Variants in EPN2 observed in about 807,000 individuals in gnomAD.
EPN2 encodes epsin 2.
In EPN2, 34 loss-of-function variants were observed where a neutral mutation model predicts 61.7. The ratio of observed to expected loss-of-function variants is 0.55; its 90% CI spans 0.42 to 0.73. The LOEUF (loss-of-function observed/expected upper bound fraction) is 0.73. EPN2 is among the 30% of genes least tolerant of loss of function. The pLI is 0.00. For synonymous variants in EPN2, 349 were observed against 353.6 expected, an observed-to-expected ratio of 0.99 and a Z score of 0.15; for missense variants, 714 against 839.2, an observed-to-expected ratio of 0.85 and a Z score of 1.84.
At chr17:19,333,290 A>G (rs1425305798) in intron 10 of EPN2, among the ~76,000 whole-genome samples, 1 of 152,028 alleles carries the variant, frequency 6.6e-6, no homozygotes, top group Non-Finnish European at 1.5e-5. Context: ...GCTGCACACC[A>G]GTCATGGTTC....
At position 19,256,419 on chromosome 17, in the gene EPN2, C is replaced by CAA. The variant is rs61210278; in HGVS notation, c.-294+18910_-294+18911dup. Among the ~76,000 whole-genome samples, 400 of 66,720 alleles carry CAA rather than the reference C, an allele frequency of 6.0e-3. 7 individuals carry two copies. Among genetic ancestry groups the CAA allele is most frequent in the East Asian group, 0.025 (66 of 2,632 alleles). The allele number at this position is 66,720 out of a possible 152,430, so 43.8% of individuals were successfully genotyped here. Reference sequence around the variant, plus strand: ...TGGGCAACATAGCAGGACCCTGTCTCAAAAAAAAAAAAAAAAAAAAAAAGT... The same window carrying CAA: ...TGGGCAACATAGCAGGACCCTGTCTCAAAAAAAAAAAAAAAAAAAAAAAAAGT... On this transcript the variant is annotated intron_variant, in intron 1 of 10. Coordinates refer to ENST00000314728, the MANE Select transcript of EPN2 (RefSeq NM_014964.5).
intron 7 of EPN2, among the ~76,000 whole-genome samples, chr17:19,326,750 G>GC (rs1296134784): frequency 6.8e-6 from 1 of 147,284 alleles, no homozygotes; most frequent in Non-Finnish European, 1.5e-5. Flanking sequence ...CCAGTAATAA[G>GC]CCCACAAAGA....
At chr17:19,255,815 G>A (rs1309488462) in intron 1 of EPN2, among the ~76,000 whole-genome samples, 1 of 151,666 alleles carries the variant, frequency 6.6e-6, no homozygotes, top group African/African-American at 2.4e-5. Flanking sequence ...TAGAGACAGG[G>A]TCTCATTTTG....
intron 1 of EPN2, among the ~76,000 whole-genome samples, chr17:19,238,260 G>T (rs919686146): frequency 1.3e-5 from 2 of 152,250 alleles, no homozygotes; most frequent in African/African-American, 4.8e-5. Context: ...TGGGTGCGTG[G>T]GGTCTGGCCT....
Position 19,247,760 on chromosome 17 carries a change from C to T in EPN2, c.-294+10229C>T, listed in dbSNP as rs535891807. Among the ~76,000 whole-genome samples the T allele has an allele frequency of 1.2e-4, 18 of 152,254 alleles. No homozygotes were observed. In the South Asian group the frequency reaches 3.1e-3, roughly 26 times the overall value. On this transcript the variant is annotated intron_variant, in intron 1 of 10. Transcript: ENST00000314728. ...TCAAGTGTTTGAGAAGGGGGCCCTG[C>T]GGAGTAATCTCTGTGGGTGGGGGCC...
At chr17:19,276,776 T>TTTTTTTTTTTTTTTG (rs2045310742) in intron 1 of EPN2, among the ~76,000 whole-genome samples, 2 of 138,876 alleles carry the variant, frequency 1.4e-5, no homozygotes, top group African/African-American at 5.2e-5. Context: ...AGAATAAGTT[T>TTTTTTTTTTTTTTTG]TTTTTTTTTT....
chr17:19,267,032 G>T (rs1173953509), intron 1 of EPN2, among the ~76,000 whole-genome samples: 1 of 150,370 alleles, frequency 6.7e-6, no homozygotes, highest in Non-Finnish European at 1.5e-5. Context: ...GTAGAGACGG[G>T]GTTTCCCCGT....
At chr17:19,327,014 A>G (rs1906909999) in intron 7 of EPN2, among the ~76,000 whole-genome samples, 1 of 152,196 alleles carries the variant, frequency 6.6e-6, no homozygotes, top group Non-Finnish European at 1.5e-5. Flanking sequence ...AGATTGGCAC[A>G]CATGGGAAAG....
chr17:19,299,786 A>G (rs998952925), intron 4 of EPN2, among the ~76,000 whole-genome samples: 4 of 152,208 alleles, frequency 2.6e-5, no homozygotes, highest in African/African-American at 9.6e-5. Context: ...CATTGGGGCC[A>G]TAACGTGGTC....
chr17:19,264,926 C>A (rs1285822569), intron 1 of EPN2, among the ~76,000 whole-genome samples: 1 of 151,746 alleles, frequency 6.6e-6, no homozygotes, highest in African/African-American at 2.4e-5. Context: ...GAAGCCCAGG[C>A]GAGCTCCAAG....
intron 1 of EPN2, among the ~76,000 whole-genome samples, chr17:19,280,421 C>G (rs4924780): frequency 0.033 from 4,966 of 152,264 alleles, 347 homozygotes; most frequent in South Asian, 0.2. Context: ...AATGAAAAAC[C>G]TAATTACATC....
chr17:19,329,561 G>A lies in EPN2; in HGVS notation c.1325G>A (p.Gly442Glu). ...VSTTKPVSVSGSFELFSNLNG... is the reference protein window; with the variant it reads ...VSTTKPVSVSESFELFSNLNG... ...GTCATTGGCTTCTGTGTCCACCCAG[G>A]GTCCTTTGAGCTCTTCAGTAATCTG... Residue 442 changes from glycine (G) to glutamate (E), a missense_variant and splice_region_variant, in exon 9 of 11, where the codon GGG becomes GAG. Physicochemically the swap from Gly to Glu is moderately conservative, Grantham distance 98. Coordinates refer to ENST00000314728, the MANE Select transcript of EPN2 (RefSeq NM_014964.5). The A allele has an allele frequency of 1.2e-6, 2 of 1,606,356 alleles. No individual in the cohort carries two copies. Among genetic ancestry groups the A allele is most frequent in the Non-Finnish European group, 1.7e-6 (2 of 1,173,780 alleles).
At position 19,336,260 on chromosome 17, in the gene EPN2, G is replaced by T. The variant is rs191484939; in HGVS notation, c.*2006G>T. ...TGGTCTCGTCTGCCGGGGGAAGGGT[G>T]GGGAGGTGCAATGGGATGGGAGGCA... On this transcript the variant is annotated 3_prime_UTR_variant, in exon 11 of 11. Coordinates refer to ENST00000314728, the MANE Select transcript of EPN2 (RefSeq NM_014964.5). 1 of 152,540 alleles carries T rather than the reference G, an allele frequency of 6.6e-6. No homozygotes were observed. Among genetic ancestry groups the T allele is most frequent in the African/African-American group, 2.4e-5 (1 of 41,560 alleles). The allele number at this position is 152,540 out of a possible 1,614,324, so 9.4% of individuals were successfully genotyped here. A position where few individuals can be genotyped will look rare whatever the true frequency, so the allele number is the denominator to read the frequency against.
At chr17:19,302,121 G>A (rs983538905) in intron 4 of EPN2, among the ~76,000 whole-genome samples, 2 of 152,226 alleles carry the variant, frequency 1.3e-5, no homozygotes, top group African/African-American at 4.8e-5. Context: ...TGCCCCAGCT[G>A]GGTGGCCTTG....
intron 1 of EPN2, among the ~76,000 whole-genome samples, chr17:19,268,486 C>T (rs1442648623): frequency 1.3e-5 from 2 of 152,126 alleles, no homozygotes; most frequent in East Asian, 1.9e-4. Flanking sequence ...TCTCGCACTC[C>T]CAGAAGTGTT....
chr17:19,328,780 A>G lies in EPN2; in HGVS notation c.1217A>G (p.Lys406Arg), dbSNP rs371379557. 1.2e-6 allele frequency: 2 copies of G among 1,613,488 alleles called. No homozygotes were observed. The highest frequency in any genetic ancestry group is 2.7e-5 in the African/African-American group (2 of 74,926). ...GGAGCCACCGTACAATCTGTCCCCA[A>G]GAACTCGGACCCCTGGGCAGCTTCA... ...PTGATVQSVP[K>R]NSDPWAASQQ... Residue 406 changes from lysine to arginine, a missense_variant, in exon 8 of 11, where the codon AAG becomes AGG. Lys to Arg is a conservative substitution (Grantham distance 26, BLOSUM62 2). Around this residue, in one of 2 missense-constraint regions of EPN2, gnomAD observed 410 missense variants for 421.8 expected, o/e 0.97. Transcript: ENST00000314728.
chr17:19,312,265 C>G (rs899075383), intron 6 of EPN2, 121 bp downstream of exon 6: 1 of 726,268 alleles, frequency 1.4e-6, no homozygotes, highest in Non-Finnish European at 2.4e-6. Context: ...CAGCAAATAA[C>G]CTTCATGCCT....
At chr17:19,267,359 C>T (rs577190290) in intron 1 of EPN2, among the ~76,000 whole-genome samples, 16 of 151,912 alleles carry the variant, frequency 1.1e-4, no homozygotes, top group Non-Finnish European at 1.8e-4. Flanking sequence ...CCCGTTGAAT[C>T]GTATACTTTA....
In EPN2 at chr17:19,296,172, A is replaced by G. The variant is rs544191217; in HGVS notation, c.766+10382A>G. ...TCTATTTTTTTTTTTTTAAACTGGG[A>G]CAGAGTCTCACCCCGTCACCCAGGC... On this transcript the variant is annotated intron_variant, in intron 4 of 10. Coordinates refer to ENST00000314728, the MANE Select transcript of EPN2 (RefSeq NM_014964.5). 2.0e-5 allele frequency among the ~76,000 whole-genome samples: 3 copies of G among 151,600 alleles called. No homozygotes were observed. In the South Asian group the frequency reaches 6.3e-4, roughly 32 times the overall value.
Sources: allele counts gnomAD v4.1 joint callset (sites outside exome capture counted in the v4.1 genomes callset), GRCh38; gene constraint gnomAD v4.1.1; regional missense constraint gnomAD v4.1.1; transcripts MANE v1.5; gene names NCBI Gene and HGNC (gene_info 2026-07-23, HGNC 2026-07-21).